ZSWIM6: variants seen among roughly 807,000 people sequenced by gnomAD.
ZSWIM6 encodes the protein zinc finger SWIM domain-containing protein 6.
Under a neutral mutation model 113.2 loss-of-function variants are expected in ZSWIM6, and 9 were observed. That is an observed-to-expected ratio of 0.08 (90% CI 0.05 to 0.14). The LOEUF is 0.14. ZSWIM6 is among the 10% of genes least tolerant of loss of function. ZSWIM6 has a pLI of 1.00. For synonymous variants in ZSWIM6, 611 were observed against 606.5 expected (o/e 1.01, Z -0.11); for missense variants, 1,162 against 1,552.2 (o/e 0.75, Z 4.22).
rs1031480654 is a variant in ZSWIM6 at position 61,511,917 on chromosome 5, G to T, written c.1334-9346G>T. Reference sequence around the variant, plus strand: ...GCCTATAGTGGGCACGCAATAAATGGTGACTATTAATGGGAATATGATTAT... The same window carrying T: ...GCCTATAGTGGGCACGCAATAAATGTTGACTATTAATGGGAATATGATTAT... On this transcript the variant is annotated intron_variant, in intron 4 of 13. Coordinates refer to ENST00000252744, the MANE Select transcript of ZSWIM6 (RefSeq NM_020928.2). Among the ~76,000 whole-genome samples the T allele has an allele frequency of 6.6e-5, 10 of 152,080 alleles. No individual in the cohort carries two copies. In the East Asian group the frequency reaches 1.9e-3, roughly 29 times the overall value.
At chr5:61,522,084 TTTTTGTTTG>T (rs1481132314) in intron 5 of ZSWIM6, among the ~76,000 whole-genome samples, 8 of 144,194 alleles carry the variant, frequency 5.5e-5, no homozygotes, top group Admixed American at 6.9e-5. Flanking sequence ...TGTCCTGTTT[TTTTTGTTTG>T]TTTTTTTTTG....
At chr5:61,363,404 C>T (rs1382138902) in intron 1 of ZSWIM6, among the ~76,000 whole-genome samples, 1 of 152,190 alleles carries the variant, frequency 6.6e-6, no homozygotes, top group Non-Finnish European at 1.5e-5. Context: ...AGTAACAGAA[C>T]TGCCTATAAG....
intron 1 of ZSWIM6, among the ~76,000 whole-genome samples, chr5:61,462,869 C>T (rs1747348108): frequency 6.6e-6 from 1 of 152,172 alleles, no homozygotes; most frequent in African/African-American, 2.4e-5. Context: ...CGAAGGAAGA[C>T]CGATCTTGTT....
intron 1 of ZSWIM6, among the ~76,000 whole-genome samples, chr5:61,445,566 T>C (rs1240672913): frequency 6.6e-6 from 1 of 152,192 alleles, no homozygotes; most frequent in African/African-American, 2.4e-5. Flanking sequence ...TCCAAGTGAA[T>C]GTTACTTAAT....
intron 1 of ZSWIM6, among the ~76,000 whole-genome samples, chr5:61,450,818 A>G (rs151116181): frequency 1.1e-3 from 162 of 152,344 alleles, no homozygotes; most frequent in Middle Eastern, 6.8e-3. Flanking sequence ...GGAGAAATAA[A>G]TAAGTGAGTA....
At chr5:61,506,557 GA>G (rs1748627825) in intron 4 of ZSWIM6, among the ~76,000 whole-genome samples, 1 of 151,898 alleles carries the variant, frequency 6.6e-6, no homozygotes, top group East Asian at 1.9e-4. Context: ...CTGGGCAACA[GA>G]GTGAGACTCT....
At chr5:61,411,898 G>A (rs1215336779) in intron 1 of ZSWIM6, among the ~76,000 whole-genome samples, 1 of 152,204 alleles carries the variant, frequency 6.6e-6, no homozygotes, top group Non-Finnish European at 1.5e-5. Flanking sequence ...TTGGGGATAA[G>A]TATGCAGACC....
intron 1 of ZSWIM6, among the ~76,000 whole-genome samples, chr5:61,431,618 G>A (rs1746582637): frequency 6.7e-6 from 1 of 149,524 alleles, no homozygotes; most frequent in Non-Finnish European, 1.5e-5. Flanking sequence ...GGTGGTGGGC[G>A]CCTGTAGTCC....
chr5:61,490,728 C>T, intron 2 of ZSWIM6, 58 bp from the exon 3 acceptor site: 1 of 1,498,610 alleles, frequency 6.7e-7, no homozygotes, highest in Non-Finnish European at 8.9e-7. Flanking sequence ...TTAATTAATC[C>T]TTTTAGCACA....
At chr5:61,395,586 CATG>C (rs1745820743) in intron 1 of ZSWIM6, among the ~76,000 whole-genome samples, 1 of 152,042 alleles carries the variant, frequency 6.6e-6, no homozygotes, top group Admixed American at 6.5e-5. Context: ...TTTTTAAAAA[CATG>C]AGTTTAAAAC....
At chr5:61,353,199 T>G (rs1453423649) in intron 1 of ZSWIM6, among the ~76,000 whole-genome samples, 1 of 152,148 alleles carries the variant, frequency 6.6e-6, no homozygotes, top group East Asian at 1.9e-4. Context: ...TTGTTTGGGA[T>G]GAGGATTGGG....
intron 2 of ZSWIM6, among the ~76,000 whole-genome samples, chr5:61,484,134 T>C (rs1747952217): frequency 1.3e-5 from 2 of 152,156 alleles, no homozygotes; most frequent in South Asian, 4.1e-4. Context: ...TCAGGTCTAC[T>C]TAAAATATTT....
At chr5:61,369,615 G>A (rs1213135862) in intron 1 of ZSWIM6, among the ~76,000 whole-genome samples, 1 of 152,132 alleles carries the variant, frequency 6.6e-6, no homozygotes, top group African/African-American at 2.4e-5. Context: ...TTTGAAAGTG[G>A]ACAGCCCTAT....
intron 1 of ZSWIM6, among the ~76,000 whole-genome samples, chr5:61,360,086 T>G (rs1455818059): frequency 6.6e-6 from 1 of 152,160 alleles, no homozygotes; most frequent in Non-Finnish European, 1.5e-5. Context: ...TTATCAAGTG[T>G]CAGGTGTCCA....
At chr5:61,334,725 C>T (rs1425769407) in intron 1 of ZSWIM6, among the ~76,000 whole-genome samples, 1 of 152,086 alleles carries the variant, frequency 6.6e-6, no homozygotes. Context: ...TTCATCTATC[C>T]TTTTTTCCTT....
intron 1 of ZSWIM6, among the ~76,000 whole-genome samples, chr5:61,371,607 G>A (rs1479470166): frequency 6.6e-6 from 1 of 152,182 alleles, no homozygotes; most frequent in African/African-American, 2.4e-5. Flanking sequence ...TTTCCTAAAG[G>A]TGAGTTTTAT....
chr5:61,393,033 A>ATATT (rs955409655), intron 1 of ZSWIM6, among the ~76,000 whole-genome samples: 11 of 151,324 alleles, frequency 7.3e-5, no homozygotes, highest in South Asian at 2.1e-4. Context: ...ATACCTTTTT[A>ATATT]TATTTATTTA....
chr5:61,378,191 A>G (rs926377597), intron 1 of ZSWIM6, among the ~76,000 whole-genome samples: 8 of 152,252 alleles, frequency 5.3e-5, no homozygotes, highest in Admixed American at 1.3e-4. Context: ...AGAATGGCCA[A>G]GTTTTATTGA....
chr5:61,365,790 C>G (rs1425092503), intron 1 of ZSWIM6, among the ~76,000 whole-genome samples: 1 of 152,182 alleles, frequency 6.6e-6, no homozygotes, highest in Non-Finnish European at 1.5e-5. Flanking sequence ...GCATAGTGTA[C>G]TGAAAAGTTC....
Sources: gnomAD v4.1 joint callset for allele counts (sites outside exome capture counted in the v4.1 genomes callset) on GRCh38, gnomAD v4.1.1 for gene constraint, MANE v1.5 for transcripts, NCBI Gene and HGNC (gene_info 2026-07-23, HGNC 2026-07-21) for gene names.